Variants in CLEC16A observed in about 807,000 individuals in gnomAD.
The protein encoded by CLEC16A is C-type lectin domain containing 16A.
Under a neutral mutation model 109.5 loss-of-function variants are expected in CLEC16A, and 51 were observed. The observed-to-expected ratio is 0.47, with a 90% CI of 0.37 to 0.59. The LOEUF (loss-of-function observed/expected upper bound fraction) is 0.59, where lower values mean the gene tolerates loss of function less well. Among genes scored for constraint, CLEC16A ranks in the 20% least tolerant of loss-of-function variants. CLEC16A has a pLI of 0.00. For synonymous variants in CLEC16A, 673 were observed against 564.2 expected, an observed-to-expected ratio of 1.19 and a Z score of -2.73; for missense variants, 1,339 against 1,394.0, an observed-to-expected ratio of 0.96 and a Z score of 0.63.
At chr16:11,152,351 G>C (rs1008640632) in intron 22 of CLEC16A, among the ~76,000 whole-genome samples, 1 of 152,346 alleles carries the variant, frequency 6.6e-6, no homozygotes, top group East Asian at 1.9e-4. Context: ...GTCTGCATGG[G>C]TCTGACAGAT....
rs374205870 is a variant in CLEC16A, at chr16:10,980,281, G to A, written c.957+899G>A. 2.6e-3 allele frequency among the ~76,000 whole-genome samples: 394 copies of A among 152,288 alleles called. No homozygotes were observed. The Middle Eastern group carries it at 0.034, about 13-fold the overall frequency. Reference sequence around the variant, plus strand: ...TCCTGACCATCACTCACAGCCCAGAGTCCTATTCTGGGGCTATTTGCTCAG... The same window carrying A: ...TCCTGACCATCACTCACAGCCCAGAATCCTATTCTGGGGCTATTTGCTCAG... On this transcript the variant is annotated intron_variant, in intron 9 of 23. Coordinates refer to ENST00000409790, the MANE Select transcript of CLEC16A (RefSeq NM_015226.3).
intron 16 of CLEC16A, among the ~76,000 whole-genome samples, chr16:11,045,750 A>G (rs2047603528): frequency 6.6e-6 from 1 of 152,164 alleles, no homozygotes; most frequent in South Asian, 2.1e-4. Flanking sequence ...ATCCTCCTAC[A>G]TGGGGAAGGT....
intron 19 of CLEC16A, among the ~76,000 whole-genome samples, chr16:11,079,320 A>G (rs2049570553): frequency 6.6e-6 from 1 of 152,208 alleles, no homozygotes; most frequent in African/African-American, 2.4e-5. Flanking sequence ...TCCAGGCCAG[A>G]GTCAGCCAGC....
rs143721148 is a variant in CLEC16A at position 10,954,060 on chromosome 16, G to A, written c.81-3722G>A. ...ACAGTCCATAAACATATATGAACAG[G>A]CACCCGGTTTCACTACTGGAAGAAA... is the stretch of plus-strand genomic sequence containing the variant. On this transcript the variant is annotated intron_variant, in intron 1 of 23. Coordinates refer to ENST00000409790, the MANE Select transcript of CLEC16A (RefSeq NM_015226.3). The surrounding 1 kb of genome is among the most constrained non-coding windows in gnomAD (Gnocchi z 4.2). Among the ~76,000 whole-genome samples the A allele has an allele frequency of 6.6e-6, 1 of 151,984 alleles. No individual in the cohort carries two copies. The highest frequency in any genetic ancestry group is 1.9e-4 in the East Asian group (1 of 5,174).
At chr16:11,152,620 G>A (rs562319228) in intron 22 of CLEC16A, among the ~76,000 whole-genome samples, 166 of 152,338 alleles carry the variant, frequency 1.1e-3, no homozygotes, top group African/African-American at 3.8e-3. Flanking sequence ...TGTAGATAGG[G>A]TTGTTTTGTT....
At chr16:11,117,983 C>CTT (rs144980433) in intron 19 of CLEC16A, among the ~76,000 whole-genome samples, 4 of 150,904 alleles carry the variant, frequency 2.7e-5, no homozygotes, top group Non-Finnish European at 4.4e-5. Context: ...CTTTTCTTTT[C>CTT]TTTTTTTTTA....
chr16:11,145,499 C>T (rs977513189), intron 22 of CLEC16A, among the ~76,000 whole-genome samples: 2 of 152,274 alleles, frequency 1.3e-5, no homozygotes, highest in African/African-American at 4.8e-5. Flanking sequence ...CTCTCACCAC[C>T]ACACCTGTCT....
At chr16:11,177,473 G>A (rs577811548) in intron 23 of CLEC16A, among the ~76,000 whole-genome samples, 2 of 152,230 alleles carry the variant, frequency 1.3e-5, no homozygotes, top group Admixed American at 1.3e-4. Flanking sequence ...GGTGGCAGAT[G>A]CCTGTAATCA....
At chr16:11,067,074 A>G (rs2048800504) in intron 19 of CLEC16A, among the ~76,000 whole-genome samples, 1 of 151,460 alleles carries the variant, frequency 6.6e-6, no homozygotes, top group African/African-American at 2.4e-5. Flanking sequence ...GAACGAGGGT[A>G]GTCTTTCCAA....
At chr16:11,151,718 T>C (rs1312588617) in intron 22 of CLEC16A, among the ~76,000 whole-genome samples, 6 of 152,006 alleles carry the variant, frequency 3.9e-5, no homozygotes, top group Non-Finnish European at 7.4e-5. Context: ...CAGGAGAGAG[T>C]AGCGACTTCT....
chr16:11,054,456 C>T (rs1238029444), intron 18 of CLEC16A, among the ~76,000 whole-genome samples: 1 of 152,218 alleles, frequency 6.6e-6, no homozygotes, highest in Non-Finnish European at 1.5e-5. Flanking sequence ...TGCTGCCCAC[C>T]TCCCTTGTCC....
intron 22 of CLEC16A, among the ~76,000 whole-genome samples, chr16:11,128,211 A>G (rs1358835346): frequency 6.6e-6 from 1 of 152,252 alleles, no homozygotes; most frequent in Non-Finnish European, 1.5e-5. Context: ...AAATAAATAC[A>G]TGGAGCCAAG....
At chr16:10,991,389 A>C (rs945758518) in intron 10 of CLEC16A, among the ~76,000 whole-genome samples, 2 of 136,166 alleles carry the variant, frequency 1.5e-5, no homozygotes, top group Non-Finnish European at 3.0e-5. Context: ...ATGCCACTAC[A>C]CTCCAGCCTG....
chr16:11,085,514 A>T (rs2049963198), intron 19 of CLEC16A, among the ~76,000 whole-genome samples: 1 of 152,236 alleles, frequency 6.6e-6, no homozygotes, highest in African/African-American at 2.4e-5. Context: ...AATGGAGATG[A>T]TGAGGCCCAA....
Position 11,170,418 on chromosome 16 carries a change from C to T in CLEC16A, c.2806+3866C>T, listed in dbSNP as rs928305943. Among the ~76,000 whole-genome samples, 3 of 152,198 alleles carry T rather than the reference C, an allele frequency of 2.0e-5. No individual in the cohort carries two copies. In the East Asian group the frequency reaches 5.8e-4, roughly 29 times the overall value. ...CCAGCTGATGCTCAGTTGGGTTTTC[C>T]GCCTCCAGCCTGCGTCCAGCTCAGG... On this transcript the variant is annotated intron_variant, in intron 23 of 23. Transcript: ENST00000409790.
At chr16:11,141,422 G>A (rs532650947) in intron 22 of CLEC16A, among the ~76,000 whole-genome samples, 3 of 152,364 alleles carry the variant, frequency 2.0e-5, no homozygotes, top group African/African-American at 7.2e-5. Context: ...ACCTGAAGTG[G>A]TGGGGGCCTC....
intron 22 of CLEC16A, among the ~76,000 whole-genome samples, chr16:11,151,565 C>T (rs546819258): frequency 6.5e-4 from 99 of 152,330 alleles, no homozygotes; most frequent in African/African-American, 2.2e-3. Context: ...AAGTAGAAAC[C>T]GTAGCTCAAA....
At chr16:11,037,032 G>T (rs1264945555) in intron 13 of CLEC16A, among the ~76,000 whole-genome samples, 4 of 152,222 alleles carry the variant, frequency 2.6e-5, no homozygotes, top group Non-Finnish European at 4.4e-5. Context: ...CAGTCGTGGG[G>T]CGGGTAGTTA....
intron 19 of CLEC16A, among the ~76,000 whole-genome samples, chr16:11,109,100 G>C (rs2051401290): frequency 9.8e-6 from 1 of 101,562 alleles, no homozygotes; most frequent in African/African-American, 4.2e-5. Flanking sequence ...GACAGAGTGA[G>C]ACTGTCTCAA....
Sources: allele counts gnomAD v4.1 joint callset (sites outside exome capture counted in the v4.1 genomes callset), GRCh38; gene constraint gnomAD v4.1.1; non-coding constraint Gnocchi (gnomAD v3.1); transcripts MANE v1.5; gene names NCBI Gene and HGNC (gene_info 2026-07-23, HGNC 2026-07-21).